Variants in SYNE2 observed in about 807,000 individuals in gnomAD.
SYNE2 encodes spectrin repeat containing nuclear envelope protein 2, also known as nesprin-2.
A neutral mutation model predicts 856.3 loss-of-function variants in SYNE2; 431 were observed. The observed-to-expected ratio is 0.50, with a 90% CI of 0.47 to 0.55. The LOEUF is 0.55. SYNE2 is among the 20% of genes least tolerant of loss of function. The probability of loss-of-function intolerance (pLI) is 0.00; values close to 1 mark genes in which losing one functional copy is unlikely to be tolerated. For missense variants in SYNE2, 8,129 were observed against 8,023.2 expected (o/e 1.01, Z -0.50); for synonymous variants, 2,923 against 2,872.3 (o/e 1.02, Z -0.56).
intron 1 of SYNE2, among the ~76,000 whole-genome samples, chr14:63,856,213 T>G (rs954144646): frequency 6.6e-5 from 10 of 152,154 alleles, no homozygotes; most frequent in Non-Finnish European, 1.0e-4. Context: ...GCAGGGCCTT[T>G]CTGGAGAAAT....
At position 64,126,368 on chromosome 14, in the gene SYNE2, ATTGT is replaced by A. The variant is rs1397337271; in HGVS notation, c.13600_13603del (p.Phe4534AsnfsTer4). The A allele has an allele frequency of 6.2e-7, 1 of 1,614,082 alleles. No individual in the cohort carries two copies. Among genetic ancestry groups the A allele is most frequent in the East Asian group, 2.2e-5 (1 of 44,872 alleles). On this transcript the variant is annotated frameshift_variant, in exon 72 of 116. Transcript: ENST00000555002. LOFTEE classifies it high-confidence loss of function. ...AAGCATATATCAATTTGGATAAAAA[ATTGT>A]TTGAACTATTCCTGACCCTCAGTCA... is the stretch of plus-strand genomic sequence containing the variant.
At chr14:64,170,483 G>A (rs775979825) in intron 94 of SYNE2, 21 bp downstream of exon 94, 10 of 1,589,376 alleles carry the variant, frequency 6.3e-6, no homozygotes, top group Non-Finnish European at 8.6e-6. Context: ...CATCGTAGCA[G>A]TGTGAGAACC....
Position 64,121,003 on chromosome 14 carries a change from A to G in SYNE2, c.13100A>G (p.Glu4367Gly). 6.2e-7 allele frequency: 1 copy of G among 1,614,206 alleles called. No individual in the cohort carries two copies. Among genetic ancestry groups the G allele is most frequent in the South Asian group, 1.1e-5 (1 of 91,088 alleles). The change falls in exon 68 of 116, where the codon GAA (glutamate) becomes GGA (glycine). Residue 4367 changes from glutamate (E) to glycine (G), a missense_variant. Around this residue, in one of 3 missense-constraint regions of SYNE2, gnomAD observed 5,410 missense variants for 5,284.8 expected, o/e 1.02. Coordinates refer to ENST00000555002, the MANE Select transcript of SYNE2 (RefSeq NM_182914.3). ...ALQPVNLSEL[E>G]SIVTERPQFS... ...CAACCAGTTAACCTTTCTGAATTGG[A>G]ATCCATTGTAACTGAAAGGCCACAA...
At chr14:64,003,718 T>C (rs2096773048) in intron 30 of SYNE2, among the ~76,000 whole-genome samples, 1 of 152,154 alleles carries the variant, frequency 6.6e-6, no homozygotes, top group African/African-American at 2.4e-5. Flanking sequence ...GGAAGATGCA[T>C]ATGCCACATC....
chr14:64,174,228 T>G (rs560784796), intron 94 of SYNE2, among the ~76,000 whole-genome samples: 1 of 152,096 alleles, frequency 6.6e-6, no homozygotes, highest in East Asian at 1.9e-4. Flanking sequence ...TCCACCACCA[T>G]GCCTGGCTAA....
chr14:63,764,523 A>G (rs1044855840), intron 1 of SYNE2, among the ~76,000 whole-genome samples: 1 of 25,668 alleles, frequency 3.9e-5, no homozygotes, highest in Non-Finnish European at 8.0e-5. Context: ...CCCCGCCTCC[A>G]TCTCTTAAAA....
At chr14:64,154,515 A>G (rs2098270225) in intron 85 of SYNE2, among the ~76,000 whole-genome samples, 1 of 152,170 alleles carries the variant, frequency 6.6e-6, no homozygotes, top group Non-Finnish European at 1.5e-5. Flanking sequence ...GATACAAGCC[A>G]GGCTCAGTGG....
At chr14:64,079,422 T>C (rs1334240086) in intron 55 of SYNE2, among the ~76,000 whole-genome samples, 1 of 152,218 alleles carries the variant, frequency 6.6e-6, no homozygotes, top group Non-Finnish European at 1.5e-5. Flanking sequence ...TTTTAATAAT[T>C]TGGGGCTTTT....
chr14:63,874,680 T>C (rs1440686426), intron 1 of SYNE2, among the ~76,000 whole-genome samples: 2 of 152,114 alleles, frequency 1.3e-5, no homozygotes, highest in Non-Finnish European at 2.9e-5. Flanking sequence ...AAACAAAAAC[T>C]AATGGACTTT....
intron 63 of SYNE2, chr14:64,099,025 T>C (rs183335803): frequency 1.7e-6 from 1 of 576,818 alleles, no homozygotes; most frequent in East Asian, 3.2e-5. Flanking sequence ...GAGATGAATG[T>C]AATTCAGACA....
chr14:63,769,528 C>T (rs1886817594), intron 1 of SYNE2, among the ~76,000 whole-genome samples: 1 of 151,882 alleles, frequency 6.6e-6, no homozygotes, highest in Non-Finnish European at 1.5e-5. Context: ...ATTAGCTGGG[C>T]GTGGTGGCGG....
chr14:64,217,718 G>A (rs1391480551), intron 108 of SYNE2, among the ~76,000 whole-genome samples: 2 of 152,120 alleles, frequency 1.3e-5, no homozygotes, highest in Non-Finnish European at 2.9e-5. Flanking sequence ...TCTGAAGCCA[G>A]ATGTATCACC....
Position 64,053,057 on chromosome 14 carries a change from T to C in SYNE2, c.9144T>C (p.Tyr3048=), listed in dbSNP as rs1331113396. 6 of 1,614,060 alleles carry C rather than the reference T, an allele frequency of 3.7e-6. No individual in the cohort carries two copies. Among genetic ancestry groups the C allele is most frequent in the Non-Finnish European group, 5.1e-6 (6 of 1,180,022 alleles). Residue 3048 remains tyrosine, a synonymous_variant, in exon 48 of 116, where the codon TAT becomes TAC. Coordinates refer to ENST00000555002, the MANE Select transcript of SYNE2 (RefSeq NM_182914.3). ...CATTTGAGGAAGAACATGGCAAATA[T>C]CAGGCATTATTAAGTAAAATGAGAG... The part of the protein sequence containing the change: ...LDTFEEEHGK[Y]QALLSKMRAI...
intron 99 of SYNE2, among the ~76,000 whole-genome samples, chr14:64,194,969 T>A (rs2098534494): frequency 6.6e-6 from 1 of 152,152 alleles, no homozygotes; most frequent in Non-Finnish European, 1.5e-5. Context: ...TTCCCAGAAC[T>A]CCCTCCCCAT....
At chr14:63,967,446 C>G (rs1248944117) in intron 10 of SYNE2, among the ~76,000 whole-genome samples, 1 of 152,092 alleles carries the variant, frequency 6.6e-6, no homozygotes, top group Non-Finnish European at 1.5e-5. Flanking sequence ...GTCCTGTAGC[C>G]CAGTGACCTT....
chr14:63,974,888 G>GTATATATATATATATATA (rs1370206967), intron 11 of SYNE2, among the ~76,000 whole-genome samples: 68 of 26,376 alleles, frequency 2.6e-3, no homozygotes, highest in East Asian at 2.9e-3. Flanking sequence ...GTGTGTGTGT[G>GTATATATATATATATATA]TGTGTATATA....
At chr14:64,184,368 G>GTGTGTA (rs1226355639) in intron 96 of SYNE2, among the ~76,000 whole-genome samples, 1 of 150,958 alleles carries the variant, frequency 6.6e-6, no homozygotes, top group East Asian at 2.0e-4. Context: ...GTGTGTATGT[G>GTGTGTA]TATGAACATG....
rs2096767508 is a variant in SYNE2, at chr14:64,003,046, A to C, written c.4113A>C (p.Lys1371Asn). 6.2e-7 allele frequency: 1 copy of C among 1,614,192 alleles called. No individual in the cohort carries two copies. The highest frequency in any genetic ancestry group is 2.2e-5 in the East Asian group (1 of 44,878). ...AAGAGGGAGAAATTCATCTGATGAA[A>C]GACAAGGCCAAACATTTGGATAAAT... ...KNKEGEIHLMKDKAKHLDKCL... is the reference protein window; with the variant it reads ...KNKEGEIHLMNDKAKHLDKCL... Residue 1371 changes from lysine to asparagine, a missense_variant, in exon 30 of 116, where the codon AAA (lysine) becomes AAC (asparagine). Around this residue, in one of 3 missense-constraint regions of SYNE2, gnomAD observed 2,422 missense variants for 2,357.4 expected, o/e 1.03. Coordinates refer to ENST00000555002, the MANE Select transcript of SYNE2 (RefSeq NM_182914.3).
At chr14:63,939,557 A>C (rs1439087680) in intron 2 of SYNE2, among the ~76,000 whole-genome samples, 1 of 152,006 alleles carries the variant, frequency 6.6e-6, no homozygotes, top group Admixed American at 6.6e-5. Context: ...CATGTTGTCC[A>C]GGCTGGTCTT....
Sources: gnomAD v4.1 joint callset for allele counts (sites outside exome capture counted in the v4.1 genomes callset) on GRCh38, gnomAD v4.1.1 for gene constraint, gnomAD v4.1.1 regional missense constraint, MANE v1.5 for transcripts, NCBI Gene and HGNC (gene_info 2026-07-23, HGNC 2026-07-21) for gene names.